The following TULP3 variants were observed in gnomAD, a reference collection of about 807,000 sequenced individuals.
TULP3 encodes tubby-related protein 3.
A neutral mutation model predicts 50.7 loss-of-function variants in TULP3; 38 were observed. The ratio of observed to expected loss-of-function variants is 0.75; its 90% confidence interval spans 0.58 to 0.98. The LOEUF (loss-of-function observed/expected upper bound fraction) is 0.98. Ranked by LOEUF, TULP3 falls within the 50% of genes least tolerant of loss-of-function variation. The pLI, the probability that TULP3 is intolerant of heterozygous loss-of-function variation, is 0.00. For synonymous variants in TULP3, 183 were observed against 196.6 expected, an observed-to-expected ratio of 0.93 and a Z score of 0.58; for missense variants, 550 against 568.0, an observed-to-expected ratio of 0.97 and a Z score of 0.32.
intron 4 of TULP3, among the ~76,000 whole-genome samples, chr12:2,929,322 A>G (rs1338629609): frequency 6.6e-6 from 1 of 152,236 alleles, no homozygotes; most frequent in Admixed American, 6.5e-5. Flanking sequence ...GTCTCAAAAA[A>G]AAAAAGAGTT....
chr12:2,915,786 T>A (rs1341308816), intron 2 of TULP3, among the ~76,000 whole-genome samples: 3 of 151,842 alleles, frequency 2.0e-5, no homozygotes, highest in Non-Finnish European at 2.9e-5. Context: ...CCTCGTGATC[T>A]GCCCGCCTCA....
At chr12:2,897,069 C>G (rs1667870899) in intron 1 of TULP3, among the ~76,000 whole-genome samples, 1 of 152,046 alleles carries the variant, frequency 6.6e-6, no homozygotes, top group African/African-American at 2.4e-5. Context: ...AGTGCAGTGG[C>G]AGGATCTCGG....
In TULP3 at chr12:2,913,997, C is replaced by T. The variant is rs113689022; in HGVS notation, c.93+4417C>T. ...TTTGATATTTGATACATGCACACAA[C>T]GTGTAATGATCAAATTATTGTAATG... On this transcript the variant is annotated intron_variant, in intron 2 of 10. Transcript: ENST00000448120. Among the ~76,000 whole-genome samples, 791 of 152,172 alleles carry T rather than the reference C, an allele frequency of 5.2e-3. 5 individuals carry two copies. The highest frequency in any genetic ancestry group is 0.018 in the African/African-American group (731 of 41,516).
chr12:2,937,799 CAA>C (rs369423699), intron 9 of TULP3, 70 bp downstream of exon 9: 11,983 of 692,184 alleles, frequency 0.017, 3 homozygotes, highest in South Asian at 0.032. Flanking sequence ...GAGATTAATA[CAA>C]AAAAAAAAAA....
intron 1 of TULP3, among the ~76,000 whole-genome samples, chr12:2,904,481 G>T (rs2098181086): frequency 6.6e-6 from 1 of 152,142 alleles, no homozygotes; most frequent in Non-Finnish European, 1.5e-5. Context: ...GGGACCACAG[G>T]CTCATGGCAC....
At chr12:2,897,449 T>C (rs2098176164) in intron 1 of TULP3, among the ~76,000 whole-genome samples, 1 of 152,164 alleles carries the variant, frequency 6.6e-6, no homozygotes, top group African/African-American at 2.4e-5. Context: ...CACATTCATT[T>C]GTAGTATTAA....
At position 2,901,474 on chromosome 12, in the gene TULP3, C is replaced by G. The variant is rs554376012; in HGVS notation, c.42-8055C>G. On this transcript the variant is annotated intron_variant, in intron 1 of 10. Transcript: ENST00000448120. ...TCAGCTCACTGCAACTTCTGCCTCC[C>G]GGGTTCAAGCGATTCTCCTGCCTCA... is the stretch of plus-strand genomic sequence containing the variant. Among the ~76,000 whole-genome samples, 639 of 151,966 alleles carry G rather than the reference C, an allele frequency of 4.2e-3. 4 individuals are homozygous for G. Among genetic ancestry groups the G allele is most frequent in the African/African-American group, 0.014 (597 of 41,458 alleles).
intron 2 of TULP3, among the ~76,000 whole-genome samples, chr12:2,914,971 C>A (rs1282850882): frequency 1.3e-5 from 2 of 151,150 alleles, no homozygotes; most frequent in Non-Finnish European, 2.9e-5. Flanking sequence ...CCTTAGCAAG[C>A]TGCAGAATGG....
intron 8 of TULP3, among the ~76,000 whole-genome samples, 162 bp from the exon 9 acceptor site, chr12:2,937,469 G>C (rs1373422314): frequency 6.6e-6 from 1 of 151,698 alleles, no homozygotes; most frequent in South Asian, 2.1e-4. Flanking sequence ...TGCCCACCTC[G>C]GCCTCCCAAA....
At position 2,930,246 on chromosome 12, in the gene TULP3, A is replaced by G. The variant is rs1446610574; in HGVS notation, c.395-2A>G. Reference sequence around the variant, plus strand: ...TGCTAACAGTTCTTCCTTTTCTGCTAGATATCTCTGAAAGTGTGAACTTCG... The same window carrying G: ...TGCTAACAGTTCTTCCTTTTCTGCTGGATATCTCTGAAAGTGTGAACTTCG... On this transcript the variant is annotated splice_acceptor_variant, in intron 4 of 10. Coordinates refer to ENST00000448120, the MANE Select transcript of TULP3 (RefSeq NM_003324.5). LOFTEE classifies it high-confidence loss of function. 1 of 1,605,656 alleles carries G rather than the reference A, an allele frequency of 6.2e-7. No homozygotes were observed. The highest frequency in any genetic ancestry group is 1.7e-5 in the Admixed American group (1 of 59,590).
At chr12:2,910,149 C>T (rs935289978) in intron 2 of TULP3, among the ~76,000 whole-genome samples, 2 of 152,052 alleles carry the variant, frequency 1.3e-5, no homozygotes, top group African/African-American at 4.8e-5. Flanking sequence ...AAAAATTAGC[C>T]GGGCATGGTG....
intron 1 of TULP3, among the ~76,000 whole-genome samples, chr12:2,908,582 C>G (rs1030161445): frequency 2.7e-5 from 4 of 146,562 alleles, no homozygotes; most frequent in African/African-American, 7.8e-5. Flanking sequence ...GGCCACCACA[C>G]CTGGCTAATT....
chr12:2,918,275 G>C (rs2098189818), intron 2 of TULP3, among the ~76,000 whole-genome samples: 1 of 151,506 alleles, frequency 6.6e-6, no homozygotes, highest in Non-Finnish European at 1.5e-5. Flanking sequence ...CACCACGCCT[G>C]GCTAATTTTA....
intron 4 of TULP3, among the ~76,000 whole-genome samples, chr12:2,926,564 C>T (rs563305630): frequency 1.4e-4 from 21 of 152,164 alleles, no homozygotes; most frequent in Non-Finnish European, 2.9e-4. Flanking sequence ...TAAGTAACAA[C>T]TCTTTTGAGA....
intron 1 of TULP3, among the ~76,000 whole-genome samples, chr12:2,902,504 G>A (rs927730425): frequency 6.6e-6 from 1 of 152,118 alleles, no homozygotes; most frequent in Admixed American, 6.6e-5. Flanking sequence ...TCCTTATCTG[G>A]CACAGTGTAG....
chr12:2,930,243 G>T lies in TULP3; in HGVS notation c.395-5G>T, dbSNP rs765368358. ...CAGTGCTAACAGTTCTTCCTTTTCTGCTAGATATCTCTGAAAGTGTGAACT... is the reference window on the plus strand; with the variant it reads ...CAGTGCTAACAGTTCTTCCTTTTCTTCTAGATATCTCTGAAAGTGTGAACT... On this transcript the variant is annotated splice_region_variant and splice_polypyrimidine_tract_variant and intron_variant, in intron 4 of 10. Coordinates refer to ENST00000448120, the MANE Select transcript of TULP3 (RefSeq NM_003324.5). The T allele has an allele frequency of 1.2e-6, 2 of 1,605,856 alleles. No individual in the cohort carries two copies. Among genetic ancestry groups the T allele is most frequent in the Non-Finnish European group, 1.7e-6 (2 of 1,174,538 alleles).
At chr12:2,921,918 A>C (rs1319662867) in intron 3 of TULP3, among the ~76,000 whole-genome samples, 1 of 152,110 alleles carries the variant, frequency 6.6e-6, no homozygotes, top group Non-Finnish European at 1.5e-5. Flanking sequence ...CTCCATCTCT[A>C]CAAAAAAATT....
chr12:2,910,891 A>G (rs531587416), intron 2 of TULP3, among the ~76,000 whole-genome samples: 15 of 152,350 alleles, frequency 9.8e-5, no homozygotes, highest in African/African-American at 2.6e-4. Context: ...TCTGTTGCAG[A>G]GCAAATTGTA....
intron 1 of TULP3, among the ~76,000 whole-genome samples, chr12:2,907,255 G>A (rs115422338): frequency 0.018 from 2,752 of 152,102 alleles, 44 homozygotes; most frequent in African/African-American, 0.044. Context: ...GGCATATCAC[G>A]AGGTCAAGGT....
Sources: allele counts gnomAD v4.1 joint callset (sites outside exome capture counted in the v4.1 genomes callset), GRCh38; gene constraint gnomAD v4.1.1; transcripts MANE v1.5; gene names NCBI Gene and HGNC (gene_info 2026-07-23, HGNC 2026-07-21).